Variants in ZNF148 observed in about 807,000 individuals in gnomAD.
ZNF148 encodes Beta-Enolase Repressor Factor-1.
Under a neutral mutation model 67.7 loss-of-function variants are expected in ZNF148, and 7 were observed. The observed-to-expected ratio is 0.10, with a 90% confidence interval of 0.06 to 0.19. The LOEUF (loss-of-function observed/expected upper bound fraction) is 0.19. Among genes scored for constraint, ZNF148 ranks in the 10% least tolerant of loss-of-function variants. ZNF148 has a pLI of 1.00. For missense variants in ZNF148, 583 were observed against 947.1 expected, an observed-to-expected ratio of 0.62 and a Z score of 5.05; for synonymous variants, 333 against 330.7, an observed-to-expected ratio of 1.01 and a Z score of -0.08.
chr3:125,317,662 T>TATATATAGAGAGAGAGAGAGAGAG (rs752542874), intron 3 of ZNF148, among the ~76,000 whole-genome samples: 1,644 of 89,744 alleles, frequency 0.018, 37 homozygotes, highest in African/African-American at 0.025. Context: ...TATATATATA[T>TATATATAGAGAGAGAGAGAGAGAG]AGAGAGAGAG....
intron 7 of ZNF148, among the ~76,000 whole-genome samples, chr3:125,258,357 A>G (rs781395974): frequency 3.6e-4 from 51 of 140,182 alleles, no homozygotes; most frequent in Admixed American, 1.3e-3. Flanking sequence ...CCCGGGAGGC[A>G]GAGCTTGCAG....
intron 7 of ZNF148, among the ~76,000 whole-genome samples, chr3:125,258,132 G>T (rs1386357633): frequency 1.3e-5 from 2 of 151,752 alleles, no homozygotes; most frequent in African/African-American, 2.4e-5. Flanking sequence ...TAAAGAGATA[G>T]CATCTTCCAG....
chr3:125,317,662 T>TATATATATATATATAGAGAGAG (rs752542874), intron 3 of ZNF148, among the ~76,000 whole-genome samples: 1 of 90,024 alleles, frequency 1.1e-5, no homozygotes, highest in Non-Finnish European at 2.2e-5. Flanking sequence ...TATATATATA[T>TATATATATATATATAGAGAGAG]AGAGAGAGAG....
At chr3:125,316,439 T>A (rs1407071675) in intron 3 of ZNF148, among the ~76,000 whole-genome samples, 1 of 152,220 alleles carries the variant, frequency 6.6e-6, no homozygotes. Flanking sequence ...TCCACAGTGG[T>A]TGTACTAATT....
At chr3:125,309,489 C>T (rs1391312292) in intron 4 of ZNF148, among the ~76,000 whole-genome samples, 2 of 151,670 alleles carry the variant, frequency 1.3e-5, no homozygotes, top group East Asian at 1.9e-4. Context: ...TAGGCATATA[C>T]GACATGAACA....
At chr3:125,285,297 G>A (rs756904380) in intron 5 of ZNF148, among the ~76,000 whole-genome samples, 1 of 152,132 alleles carries the variant, frequency 6.6e-6, no homozygotes. Flanking sequence ...ACATGGGTAA[G>A]TTTCTCTTTC....
chr3:125,254,427 TCA>T (rs1936981221), intron 7 of ZNF148, among the ~76,000 whole-genome samples: 2 of 152,354 alleles, frequency 1.3e-5, no homozygotes, highest in South Asian at 4.1e-4. Context: ...TTATTCTATC[TCA>T]CAGATACTTT....
rs376742259 is a variant in ZNF148 at position 125,267,952 on chromosome 3, TC to T, written c.667+9773del. 1.4e-4 allele frequency among the ~76,000 whole-genome samples: 21 copies of T among 151,610 alleles called. 1 individual carries two copies. The East Asian group carries it at 3.9e-3, about 28-fold the overall frequency. On this transcript the variant is annotated intron_variant, in intron 7 of 8. Coordinates refer to ENST00000360647, the MANE Select transcript of ZNF148 (RefSeq NM_021964.3). ...ACTGAGAGGCAAATCAAGAACATAA[TC>T]CCATTTACACTAGATGCACACACAC...
chr3:125,310,673 T>C (rs1353019410), intron 4 of ZNF148, among the ~76,000 whole-genome samples: 2 of 152,102 alleles, frequency 1.3e-5, no homozygotes, highest in African/African-American at 4.8e-5. Context: ...AATCAAAAGC[T>C]GTTTCTTTGA....
intron 4 of ZNF148, among the ~76,000 whole-genome samples, chr3:125,304,185 G>A (rs1939748405): frequency 6.6e-6 from 1 of 152,060 alleles, no homozygotes; most frequent in South Asian, 2.1e-4. Context: ...CTTCTACATG[G>A]GAGGATGGCC....
At chr3:125,313,751 A>G (rs916950588) in intron 3 of ZNF148, 95 bp from the exon 4 acceptor site, 2 of 1,010,792 alleles carry the variant, frequency 2.0e-6, no homozygotes, top group African/African-American at 3.3e-5. Flanking sequence ...ACATTCAAAT[A>G]CAAAGATTTT....
At chr3:125,368,680 C>G (rs1300779339) in intron 1 of ZNF148, among the ~76,000 whole-genome samples, 1 of 151,696 alleles carries the variant, frequency 6.6e-6, no homozygotes, top group African/African-American at 2.4e-5. Flanking sequence ...TGTGATGACT[C>G]ATGCCTGAAA....
intron 4 of ZNF148, among the ~76,000 whole-genome samples, chr3:125,297,425 A>G (rs1239942318): frequency 6.9e-6 from 1 of 145,686 alleles, no homozygotes; most frequent in Non-Finnish European, 1.5e-5. Context: ...ACCAAAAGGA[A>G]AAGACTTATA....
At chr3:125,349,613 C>G (rs993118742) in intron 1 of ZNF148, among the ~76,000 whole-genome samples, 3 of 152,186 alleles carry the variant, frequency 2.0e-5, no homozygotes, top group African/African-American at 7.2e-5. Context: ...GAAGGGAACA[C>G]TTAAATATTG....
intron 1 of ZNF148, among the ~76,000 whole-genome samples, chr3:125,361,752 G>C (rs1000251020): frequency 2.6e-5 from 4 of 151,660 alleles, no homozygotes; most frequent in African/African-American, 9.7e-5. Context: ...AGAATCACTT[G>C]AACCTGGGAG....
At chr3:125,324,692 C>T (rs1276704002) in intron 2 of ZNF148, among the ~76,000 whole-genome samples, 1 of 152,190 alleles carries the variant, frequency 6.6e-6, no homozygotes, top group Non-Finnish European at 1.5e-5. Context: ...TTTACATTAG[C>T]TTATGATGGT....
intron 7 of ZNF148, among the ~76,000 whole-genome samples, chr3:125,234,876 C>T (rs528719585): frequency 6.6e-6 from 1 of 152,228 alleles, no homozygotes; most frequent in East Asian, 1.9e-4. Flanking sequence ...CAGCACTTCC[C>T]ATATCATTTA....
chr3:125,264,925 A>G (rs1579654273), intron 7 of ZNF148, among the ~76,000 whole-genome samples: 1 of 152,210 alleles, frequency 6.6e-6, no homozygotes, highest in South Asian at 2.1e-4. Context: ...TGGCTAATTA[A>G]TTAGATCTAC....
At chr3:125,307,811 A>ATT (rs34469920) in intron 4 of ZNF148, among the ~76,000 whole-genome samples, 14 of 127,286 alleles carry the variant, frequency 1.1e-4, no homozygotes, top group African/African-American at 3.9e-4. Flanking sequence ...TGCCCAGATA[A>ATT]TTTTTTTTTT....
Sources: allele counts gnomAD v4.1 joint callset (sites outside exome capture counted in the v4.1 genomes callset), GRCh38; gene constraint gnomAD v4.1.1; transcripts MANE v1.5; gene names NCBI Gene and HGNC (gene_info 2026-07-23, HGNC 2026-07-21).